Variants in ELOVL7 observed in about 807,000 individuals in gnomAD.
The protein encoded by ELOVL7 is very long chain fatty acid elongase 7.
Under a neutral mutation model 35.7 loss-of-function variants are expected in ELOVL7, and 27 were observed. That is an observed-to-expected ratio of 0.76 (90% CI 0.56 to 1.04). The LOEUF is 1.04. Among genes scored for constraint, ELOVL7 ranks in the 50% least tolerant of loss-of-function variants. The probability of loss-of-function intolerance (pLI) is 0.00; values close to 1 mark genes in which losing one functional copy is unlikely to be tolerated. For synonymous variants in ELOVL7, 113 were observed against 114.6 expected, an observed-to-expected ratio of 0.99 and a Z score of 0.09; for missense variants, 327 against 340.8, an observed-to-expected ratio of 0.96 and a Z score of 0.32.
chr5:60,793,677 T>C (rs1055205421), intron 2 of ELOVL7, among the ~76,000 whole-genome samples: 2 of 152,190 alleles, frequency 1.3e-5, no homozygotes, highest in Non-Finnish European at 2.9e-5. Flanking sequence ...GTCATTTTTC[T>C]GGGAGGACTC....
chr5:60,762,177 C>T (rs1224917381), intron 7 of ELOVL7, among the ~76,000 whole-genome samples: 1 of 151,494 alleles, frequency 6.6e-6, no homozygotes, highest in Non-Finnish European at 1.5e-5. Flanking sequence ...TGACTGATGT[C>T]CATAAACATA....
At chr5:60,784,398 C>G (rs1403224873) in intron 3 of ELOVL7, among the ~76,000 whole-genome samples, 1 of 152,142 alleles carries the variant, frequency 6.6e-6, no homozygotes, top group Non-Finnish European at 1.5e-5. Flanking sequence ...TTTCATTTCT[C>G]CATTATCCAA....
Position 60,766,617 on chromosome 5 carries a change from C to A in ELOVL7, c.350G>T (p.Cys117Phe), listed in dbSNP as rs1295120998. 1.2e-6 allele frequency: 2 copies of A among 1,612,628 alleles called. No homozygotes were observed. The highest frequency in any genetic ancestry group is 4.5e-5 in the East Asian group (2 of 44,852). ...AAATTTGGAGAAGTAATAAAGCCAGCAGGTACGTGCCATCTGCAGAAGCAC... is the reference window on the plus strand; with the variant it reads ...AAATTTGGAGAAGTAATAAAGCCAGAAGGTACGTGCCATCTGCAGAAGCAC... Reference protein sequence around the residue: ...SPTALRMARTCWLYYFSKFIE... With the variant: ...SPTALRMARTFWLYYFSKFIE... The change falls in exon 6 of 9, where the codon TGC becomes TTC. Residue 117 changes from cysteine (C) to phenylalanine (F), a missense_variant. Transcript: ENST00000508821.
intron 1 of ELOVL7, among the ~76,000 whole-genome samples, chr5:60,839,992 C>A (rs1378078983): frequency 6.6e-6 from 1 of 151,786 alleles, no homozygotes; most frequent in Non-Finnish European, 1.5e-5. Context: ...AGAGAGAGAC[C>A]CTGTCTCGGG....
intron 3 of ELOVL7, 48 bp downstream of exon 3, chr5:60,787,286 G>C: frequency 6.9e-7 from 1 of 1,446,694 alleles, no homozygotes. Context: ...ATGAGAATCT[G>C]ACATAAAAAG....
chr5:60,769,067 TATAAG>T (rs1742419651), intron 4 of ELOVL7, among the ~76,000 whole-genome samples: 1 of 152,168 alleles, frequency 6.6e-6, no homozygotes, highest in Non-Finnish European at 1.5e-5. Flanking sequence ...TAGCTTGACT[TATAAG>T]ATAACTTAAT....
chr5:60,758,217 A>G (rs1299285876), intron 7 of ELOVL7, among the ~76,000 whole-genome samples: 1 of 152,120 alleles, frequency 6.6e-6, no homozygotes, highest in Non-Finnish European at 1.5e-5. Flanking sequence ...ATTACACAGG[A>G]TGTACTCTTT....
At chr5:60,817,755 T>G (rs1206050250) in intron 1 of ELOVL7, among the ~76,000 whole-genome samples, 1 of 146,518 alleles carries the variant, frequency 6.8e-6, no homozygotes, top group Non-Finnish European at 1.5e-5. Context: ...ACACCATATA[T>G]ATACCATATA....
At chr5:60,828,241 T>C (rs1480105317) in intron 1 of ELOVL7, among the ~76,000 whole-genome samples, 1 of 152,142 alleles carries the variant, frequency 6.6e-6, no homozygotes, top group Non-Finnish European at 1.5e-5. Context: ...CAAGTACACT[T>C]TTTTGCTGCT....
At chr5:60,809,467 G>A (rs917140199) in intron 1 of ELOVL7, among the ~76,000 whole-genome samples, 31 of 152,196 alleles carry the variant, frequency 2.0e-4, no homozygotes, top group African/African-American at 7.5e-4. Flanking sequence ...TGTGACGACT[G>A]AGGTTCTGAA....
chr5:60,839,999 C>T (rs900539794), intron 1 of ELOVL7, among the ~76,000 whole-genome samples: 4 of 151,778 alleles, frequency 2.6e-5, no homozygotes, highest in South Asian at 2.1e-4. Flanking sequence ...GACCCTGTCT[C>T]GGGGGGAGAA....
chr5:60,755,656 C>CAAAAAAAAA (rs1042391610), intron 8 of ELOVL7, among the ~76,000 whole-genome samples: 1 of 144,122 alleles, frequency 6.9e-6, no homozygotes, highest in Non-Finnish European at 1.5e-5. Context: ...GATTCCATCT[C>CAAAAAAAAA]AAAAAAAAAA....
chr5:60,793,395 C>CAGTGTTG (rs772247516), intron 2 of ELOVL7, among the ~76,000 whole-genome samples: 7 of 152,162 alleles, frequency 4.6e-5, no homozygotes, highest in Non-Finnish European at 1.0e-4. Flanking sequence ...GCTAGCTCAA[C>CAGTGTTG]ACTGCCCTAA....
chr5:60,797,303 T>C (rs966701575), intron 2 of ELOVL7, among the ~76,000 whole-genome samples: 2 of 152,242 alleles, frequency 1.3e-5, no homozygotes, highest in African/African-American at 2.4e-5. Flanking sequence ...TGATGGCTCA[T>C]GTATACTAAC....
intron 1 of ELOVL7, among the ~76,000 whole-genome samples, chr5:60,833,592 C>T (rs1402594271): frequency 2.0e-5 from 3 of 152,114 alleles, no homozygotes; most frequent in African/African-American, 7.2e-5. Context: ...AAAATTAAAC[C>T]TACATTAGAA....
At position 60,830,597 on chromosome 5, in the gene ELOVL7, T is replaced by TTTC. The variant is rs1561473539; in HGVS notation, c.-86+13562_-86+13563insGAA. Among the ~76,000 whole-genome samples, 8 of 148,052 alleles carry TTTC rather than the reference T, an allele frequency of 5.4e-5. No individual in the cohort carries two copies. The East Asian group carries it at 9.9e-4, about 18-fold the overall frequency. On this transcript the variant is annotated intron_variant, in intron 1 of 8. Coordinates refer to ENST00000508821, the MANE Select transcript of ELOVL7 (RefSeq NM_024930.3). Reference sequence around the variant, plus strand: ...AAGAGGAAACCATCAGAGGCTTTTTTTTTCTTTCTTTCTTTTTTTTTTTTT... The same window carrying TTTC: ...AAGAGGAAACCATCAGAGGCTTTTTTTTCTTTCTTTCTTTCTTTTTTTTTTTTT...
chr5:60,788,746 C>T (rs1743749059), intron 2 of ELOVL7, among the ~76,000 whole-genome samples: 1 of 151,984 alleles, frequency 6.6e-6, no homozygotes, highest in Non-Finnish European at 1.5e-5. Context: ...GCACTCCAGC[C>T]TGGTCCAGCC....
intron 3 of ELOVL7, among the ~76,000 whole-genome samples, chr5:60,786,381 A>G (rs1186587237): frequency 6.6e-6 from 1 of 152,234 alleles, no homozygotes; most frequent in East Asian, 1.9e-4. Flanking sequence ...CTACGGAAAT[A>G]AAAATTACCC....
At chr5:60,796,135 G>A (rs1561449223) in intron 2 of ELOVL7, among the ~76,000 whole-genome samples, 1 of 152,194 alleles carries the variant, frequency 6.6e-6, no homozygotes, top group Non-Finnish European at 1.5e-5. Flanking sequence ...TTCAAAGGTT[G>A]CTAGGGAAAC....
Sources: gnomAD v4.1 joint callset for allele counts (sites outside exome capture counted in the v4.1 genomes callset) on GRCh38, gnomAD v4.1.1 for gene constraint, MANE v1.5 for transcripts, NCBI Gene and HGNC (gene_info 2026-07-23, HGNC 2026-07-21) for gene names.